Variants in MEIOSIN observed in about 807,000 individuals in gnomAD.
MEIOSIN encodes the protein meiosis initiator.
In MEIOSIN, 18 loss-of-function variants were observed where a neutral mutation model predicts 23.4. That is an observed-to-expected ratio of 0.77 (90% confidence interval 0.53 to 1.14). The LOEUF is 1.14. MEIOSIN is among the 50% of genes most tolerant of loss of function. The probability of loss-of-function intolerance (pLI) is 0.00; values close to 1 mark genes in which losing one functional copy is unlikely to be tolerated. For missense variants in MEIOSIN, 428 were observed against 242.9 expected (o/e 1.76, Z -5.07); for synonymous variants, 187 against 100.6 (o/e 1.86, Z -5.14).
intron 4 of MEIOSIN, among the ~76,000 whole-genome samples, chr19:45,745,621 A>G (rs2146181641): frequency 6.6e-6 from 1 of 152,294 alleles, no homozygotes; most frequent in South Asian, 2.1e-4. Context: ...ACAGCTACAG[A>G]ACTCTGGGCA....
chr19:45,737,062 T>G (rs1255817978), intron 2 of MEIOSIN, among the ~76,000 whole-genome samples: 4 of 151,810 alleles, frequency 2.6e-5, no homozygotes, highest in African/African-American at 9.7e-5. Context: ...AGACATAGGG[T>G]TTCACCATGT....
intron 13 of MEIOSIN, among the ~76,000 whole-genome samples, 162 bp downstream of exon 13, chr19:45,762,345 C>T (rs1968963463): frequency 6.6e-6 from 1 of 152,148 alleles, no homozygotes; most frequent in South Asian, 2.1e-4. Flanking sequence ...GAACCCGGCC[C>T]CATTGTATTG....
intron 3 of MEIOSIN, among the ~76,000 whole-genome samples, chr19:45,744,384 CAT>C (rs1346320151): frequency 6.6e-6 from 1 of 152,132 alleles, no homozygotes; most frequent in Admixed American, 6.6e-5. Context: ...GCTTCATAGA[CAT>C]ATGACCTGGG....
rs535599217 is a variant in MEIOSIN at position 45,754,846 on chromosome 19, TCTTA to T, written c.802+126_802+129del. 8.3e-4 allele frequency: 521 copies of T among 629,412 alleles called. 3 individuals carry two copies. The highest frequency in any genetic ancestry group is 1.4e-3 in the Non-Finnish European group (480 of 348,804). The allele number at this position is 629,412 out of a possible 1,614,324, so 39.0% of individuals were successfully genotyped here. The stretch of plus-strand genomic sequence containing the variant: ...GCAGCAGTGAATAGGAAACACCGCC[TCTTA>T]CTTCTCAAGCTTGTGGCCTTGCTCT... On this transcript the variant is annotated intron_variant, in intron 7 of 14. Coordinates refer to ENST00000457052, the MANE Select transcript of MEIOSIN (RefSeq NM_001310124.2).
At chr19:45,734,670 ATTTT>A (rs34632029) in intron 1 of MEIOSIN, among the ~76,000 whole-genome samples, 1 of 137,884 alleles carries the variant, frequency 7.3e-6, no homozygotes, top group Non-Finnish European at 1.6e-5. Flanking sequence ...TGCCCAGGTA[ATTTT>A]TTTTTTTTTT....
intron 3 of MEIOSIN, among the ~76,000 whole-genome samples, chr19:45,744,579 G>T (rs1016946035): frequency 6.6e-6 from 1 of 151,250 alleles, no homozygotes; most frequent in African/African-American, 2.4e-5. Flanking sequence ...CTACCACCAC[G>T]CCTGGCTAAT....
Position 45,763,341 on chromosome 19 carries a change from C to G in MEIOSIN, c.1683C>G (p.Ser561=). The G allele has an allele frequency of 2.5e-6, 1 of 398,914 alleles. No individual in the cohort carries two copies. The allele number at this position is 398,914 out of a possible 1,614,324, so 24.7% of individuals were successfully genotyped here. Residue 561 remains serine (S), a synonymous_variant, in exon 14 of 15, where the codon TCC becomes TCG. Transcript: ENST00000457052. The part of the protein sequence containing the change: ...CRMNRKQYIR[S]CPGTASTAAT... ...CTCCTCCTCCTTCCTGTCCCAGATC[C>G]TGCCCTGGAACCGCTTCCACAGCTG...
chr19:45,762,264 A>G (rs1167855539), intron 13 of MEIOSIN, 81 bp downstream of exon 13: 2 of 401,836 alleles, frequency 5.0e-6, no homozygotes, highest in Non-Finnish European at 8.7e-6. Flanking sequence ...CGCTCCTCAC[A>G]ACTGTCTGAC....
At position 45,754,639 on chromosome 19, in the gene MEIOSIN, C is replaced by G. The variant is rs772635857; in HGVS notation, c.717C>G (p.Ser239=). The G allele has an allele frequency of 7.1e-6, 5 of 702,998 alleles. No homozygotes were observed. The highest frequency in any genetic ancestry group is 1.5e-5 in the South Asian group (1 of 67,614). The allele number at this position is 702,998 out of a possible 1,614,324, so 43.5% of individuals were successfully genotyped here. A position where few individuals can be genotyped will look rare whatever the true frequency, so the allele number is the denominator to read the frequency against. Reference sequence around the variant, plus strand: ...GCGGTCACCCGAGGCCTGCATCATCCTCACCTCCAGGTGACAGAAAAGGAG... The same window carrying G: ...GCGGTCACCCGAGGCCTGCATCATCGTCACCTCCAGGTGACAGAAAAGGAG... ...DSCGHPRPAS[S]SPPGDRKGGQ... Residue 239 remains serine (S), a synonymous_variant, in exon 7 of 15, where the codon TCC becomes TCG. Transcript: ENST00000457052.
chr19:45,737,340 T>C (rs574152269), intron 2 of MEIOSIN, among the ~76,000 whole-genome samples: 24 of 152,052 alleles, frequency 1.6e-4, no homozygotes, highest in African/African-American at 5.5e-4. Flanking sequence ...CCACCACGCC[T>C]GGCTAATTTT....
intron 7 of MEIOSIN, 138 bp from the exon 8 acceptor site, chr19:45,755,832 C>T: frequency 1.7e-6 from 1 of 603,016 alleles, no homozygotes; most frequent in Admixed American, 2.8e-5. Flanking sequence ...AACGTGACAC[C>T]CTGCATCCTG....
intron 5 of MEIOSIN, among the ~76,000 whole-genome samples, chr19:45,751,022 C>T (rs1968692941): frequency 1.3e-5 from 2 of 152,100 alleles, no homozygotes; most frequent in Admixed American, 6.6e-5. Context: ...CCTGTACTCC[C>T]GGCACTTTGG....
chr19:45,739,785 A>C, intron 3 of MEIOSIN, 55 bp downstream of exon 3: 1 of 702,502 alleles, frequency 1.4e-6, no homozygotes, highest in Non-Finnish European at 2.6e-6. Context: ...AACATAGCCC[A>C]TTGTTCAACA....
chr19:45,758,774 T>G, intron 9 of MEIOSIN, 104 bp from the exon 10 acceptor site: 1 of 615,866 alleles, frequency 1.6e-6, no homozygotes, highest in South Asian at 1.8e-5. Flanking sequence ...GAAACTGAGA[T>G]TCGCTTTCCG....
At chr19:45,759,097 G>A (rs770166918) in intron 10 of MEIOSIN, 64 bp downstream of exon 10, 6 of 696,842 alleles carry the variant, frequency 8.6e-6, no homozygotes, top group African/African-American at 5.2e-5. Flanking sequence ...CCAGGCCTGC[G>A]CTGGGCCATC....
chr19:45,747,055 C>A (rs563542965), intron 4 of MEIOSIN, among the ~76,000 whole-genome samples: 1 of 152,236 alleles, frequency 6.6e-6, no homozygotes, highest in South Asian at 2.1e-4. Context: ...GACTATGACA[C>A]AGTCCCTCCC....
intron 1 of MEIOSIN, 74 bp from the exon 2 acceptor site, chr19:45,735,303 G>T (rs1968391217): frequency 1.4e-6 from 1 of 693,514 alleles, no homozygotes; most frequent in Non-Finnish European, 2.6e-6. Context: ...AAGATGAAGG[G>T]TGCCCATCAG....
chr19:45,757,825 T>C (rs1968861032), intron 9 of MEIOSIN, among the ~76,000 whole-genome samples: 3 of 151,694 alleles, frequency 2.0e-5, no homozygotes, highest in African/African-American at 7.3e-5. Flanking sequence ...CGAACTCTTT[T>C]TGTGTTTTTG....
At chr19:45,748,140 C>A (rs1023885001) in intron 4 of MEIOSIN, among the ~76,000 whole-genome samples, 19 of 151,858 alleles carry the variant, frequency 1.3e-4, no homozygotes, top group African/African-American at 4.6e-4. Context: ...TGCAGTGGCA[C>A]CATCTCGGCT....
Sources: gnomAD v4.1 joint callset for allele counts (sites outside exome capture counted in the v4.1 genomes callset) on GRCh38, gnomAD v4.1.1 for gene constraint, MANE v1.5 for transcripts, NCBI Gene and HGNC (gene_info 2026-07-23, HGNC 2026-07-21) for gene names.